Variants in SLC28A1 observed in about 807,000 individuals in gnomAD.
The protein encoded by SLC28A1 is solute carrier family 28 member 1, also known as sodium/nucleoside cotransporter 1.
SLC28A1 carries 64 observed loss-of-function variants against 74.8 expected under a neutral mutation model. The ratio of observed to expected loss-of-function variants is 0.86; its 90% CI spans 0.70 to 1.05. The LOEUF (loss-of-function observed/expected upper bound fraction) is 1.05. Ranked by LOEUF, SLC28A1 falls within the 50% of genes least tolerant of loss-of-function variation. The pLI is 0.00. For synonymous variants in SLC28A1, 359 were observed against 335.0 expected (o/e 1.07, Z -0.78); for missense variants, 828 against 822.8 (o/e 1.01, Z -0.08).
chr15:84,890,569 T>G, intron 5 of SLC28A1, 35 bp downstream of exon 5: 1 of 1,509,406 alleles, frequency 6.6e-7, no homozygotes, highest in Non-Finnish European at 9.1e-7. Flanking sequence ...CAGGACACAA[T>G]GACTCCTGCC....
At chr15:84,918,686 C>G in intron 10 of SLC28A1, 82 bp downstream of exon 10, 1 of 1,104,218 alleles carries the variant, frequency 9.1e-7, no homozygotes, top group South Asian at 1.2e-5. Context: ...TGCCTTGCTC[C>G]CAGAGCCCAA....
intron 10 of SLC28A1, 64 bp from the exon 11 acceptor site, chr15:84,920,925 C>T: frequency 1.5e-6 from 2 of 1,294,302 alleles, no homozygotes; most frequent in South Asian, 1.2e-5. Flanking sequence ...TCTTCCACTC[C>T]AGCCCCCTCT....
Position 84,888,788 on chromosome 15 carries a change from C to T in SLC28A1, c.113C>T (p.Pro38Leu), listed in dbSNP as rs767578621. Reference sequence around the variant, plus strand: ...GGGCTGTAGGAGGAAGGCCAGCTCCCTAGGAGTGACTTGAGCCCCGCAGAG... The same window carrying T: ...GGGCTGTAGGAGGAAGGCCAGCTCCTTAGGAGTGACTTGAGCCCCGCAGAG... The part of the protein sequence containing the change: ...FLESLEEGQL[P>L]RSDLSPAEIR... Residue 38 changes from proline (P) to leucine (L), a missense_variant, in exon 4 of 19, where the codon CCT (proline) becomes CTT (leucine). Around this residue, in one of 3 missense-constraint regions of SLC28A1, gnomAD observed 767 missense variants for 753.5 expected, o/e 1.02. Coordinates refer to ENST00000394573, the MANE Select transcript of SLC28A1 (RefSeq NM_004213.5). 6.4e-7 allele frequency: 1 copy of T among 1,553,766 alleles called. No individual in the cohort carries two copies. The highest frequency in any genetic ancestry group is 1.2e-5 in the South Asian group (1 of 84,156).
intron 11 of SLC28A1, among the ~76,000 whole-genome samples, chr15:84,922,400 T>A (rs1969934782): frequency 6.6e-6 from 1 of 152,086 alleles, no homozygotes; most frequent in African/African-American, 2.4e-5. Context: ...AGTGGGAACA[T>A]CTTCCACAGG....
At chr15:84,922,990 G>A (rs576273789) in intron 11 of SLC28A1, among the ~76,000 whole-genome samples, 26 of 152,308 alleles carry the variant, frequency 1.7e-4, no homozygotes, top group African/African-American at 5.5e-4. Flanking sequence ...AGGCTGGAGC[G>A]CAGTGGCACA....
chr15:84,902,513 G>C (rs79787553), intron 6 of SLC28A1, among the ~76,000 whole-genome samples: 17,012 of 151,450 alleles, frequency 0.11, 1,052 homozygotes, highest in Non-Finnish European at 0.13. Context: ...TCTAGTGGCA[G>C]AAAACATATC....
At chr15:84,931,786 G>A (rs1297047319) in intron 12 of SLC28A1, among the ~76,000 whole-genome samples, 2 of 151,582 alleles carry the variant, frequency 1.3e-5, no homozygotes, top group African/African-American at 2.4e-5. Flanking sequence ...GGCAGATCAC[G>A]AGGTCAGGAG....
chr15:84,947,628 G>A (rs1307174166), downstream of SLC28A1, among the ~76,000 whole-genome samples: 1 of 152,252 alleles, frequency 6.6e-6, no homozygotes, highest in Non-Finnish European at 1.5e-5. Context: ...AGAAGATGCT[G>A]TGCCTGGTGA....
intron 6 of SLC28A1, among the ~76,000 whole-genome samples, chr15:84,897,324 T>G (rs1485815075): frequency 1.3e-5 from 2 of 151,844 alleles, no homozygotes; most frequent in African/African-American, 2.4e-5. Context: ...AGGCAGAGGT[T>G]GCAGTGAGCC....
In SLC28A1 at chr15:84,937,677, G is replaced by A. The variant is rs561673593; in HGVS notation, c.1581+2159G>A. 7.2e-5 allele frequency among the ~76,000 whole-genome samples: 11 copies of A among 152,184 alleles called. 1 individual carries two copies. The South Asian group carries it at 2.3e-3, about 32-fold the overall frequency. ...AGCACTTTGGGAGGCTGAGGTGGGT[G>A]GATCACTTGAGGTCAGGAGTTTGAG... On this transcript the variant is annotated intron_variant, in intron 15 of 18. Coordinates refer to ENST00000394573, the MANE Select transcript of SLC28A1 (RefSeq NM_004213.5).
At chr15:84,918,315 C>T (rs192294129) in intron 9 of SLC28A1, among the ~76,000 whole-genome samples, 3 of 152,198 alleles carry the variant, frequency 2.0e-5, no homozygotes, top group Non-Finnish European at 2.9e-5. Context: ...AGAGGGGAGC[C>T]GAGAGGACAA....
intron 6 of SLC28A1, among the ~76,000 whole-genome samples, chr15:84,899,925 G>A (rs1335084974): frequency 3.2e-5 from 3 of 95,144 alleles, no homozygotes; most frequent in Non-Finnish European, 6.9e-5. Flanking sequence ...GAGGGAAAGA[G>A]GGAAAGAAAG....
the SLC28A1 span, among the ~76,000 whole-genome samples, chr15:84,959,871 A>G: frequency 6.6e-6 from 1 of 152,042 alleles, no homozygotes; most frequent in East Asian, 1.9e-4. Context: ...CCTTTGTTTT[A>G]CGTTCATACG....
intron 11 of SLC28A1, 92 bp downstream of exon 11, chr15:84,921,161 A>G (rs1969788088): frequency 2.1e-6 from 2 of 965,510 alleles, no homozygotes; most frequent in Non-Finnish European, 3.3e-6. Context: ...ATTCAGTCCA[A>G]GGAAGAGCCA....
chr15:84,893,908 C>T (rs1489984659), intron 5 of SLC28A1, among the ~76,000 whole-genome samples: 2 of 152,216 alleles, frequency 1.3e-5, no homozygotes, highest in African/African-American at 2.4e-5. Context: ...CCTGGCTTGG[C>T]GGCCTTGCCA....
At chr15:84,933,872 G>T (rs534061113) in intron 13 of SLC28A1, among the ~76,000 whole-genome samples, 13 of 152,284 alleles carry the variant, frequency 8.5e-5, no homozygotes, top group Non-Finnish European at 1.9e-4. Context: ...CAACTTAGGG[G>T]GCTGAGGCAC....
intron 12 of SLC28A1, among the ~76,000 whole-genome samples, chr15:84,932,098 T>C (rs1971374964): frequency 6.6e-6 from 1 of 152,192 alleles, no homozygotes. Flanking sequence ...TTCTAATCTT[T>C]TCATGCGCCA....
Position 84,918,561 on chromosome 15 carries a change from C to G in SLC28A1, c.833C>G (p.Ser278Cys). 6.2e-7 allele frequency: 1 copy of G among 1,613,998 alleles called. No homozygotes were observed. The highest frequency in any genetic ancestry group is 2.2e-5 in the East Asian group (1 of 44,886). The change falls in exon 10 of 19, where the codon TCC (serine) becomes TGC (cysteine). Residue 278 changes from serine to cysteine, a missense_variant. Physicochemically the swap from Ser to Cys is moderately radical, Grantham distance 112 (BLOSUM62 -1). Around this residue, in one of 3 missense-constraint regions of SLC28A1, gnomAD observed 767 missense variants for 753.5 expected, o/e 1.02. Coordinates refer to ENST00000394573, the MANE Select transcript of SLC28A1 (RefSeq NM_004213.5). ...PIIVFFSCVI[S>C]VLYHVGLMQW... ...ATTGTCTTTTTCAGCTGTGTCATAT[C>G]CGTTCTCTACCACGTGGGCCTCATG...
intron 9 of SLC28A1, among the ~76,000 whole-genome samples, chr15:84,917,432 G>T (rs936398942): frequency 6.6e-6 from 1 of 151,956 alleles, no homozygotes; most frequent in Non-Finnish European, 1.5e-5. Context: ...CACACACAAC[G>T]CCCCTCACAC....
Sources: allele counts gnomAD v4.1 joint callset (sites outside exome capture counted in the v4.1 genomes callset), GRCh38; gene constraint gnomAD v4.1.1; regional missense constraint gnomAD v4.1.1; transcripts MANE v1.5; gene names NCBI Gene and HGNC (gene_info 2026-07-23, HGNC 2026-07-21).